RBFOX1: variants seen among roughly 807,000 people sequenced by gnomAD.
The protein encoded by RBFOX1 is RNA binding fox-1 homolog 1, also known as RNA binding protein fox-1 homolog 1.
RBFOX1 carries 8 observed loss-of-function variants against 57.7 expected under a neutral mutation model. That is an observed-to-expected ratio of 0.14 (90% CI 0.08 to 0.25). The LOEUF (loss-of-function observed/expected upper bound fraction) is 0.25, where lower values mean the gene tolerates loss of function less well. RBFOX1 is among the 10% of genes least tolerant of loss of function. The pLI is 1.00. For missense variants in RBFOX1, 611 were observed against 548.5 expected (o/e 1.11, Z -1.14); for synonymous variants, 326 against 222.4 (o/e 1.47, Z -4.15).
At chr16:7,665,005 C>T (rs775675308) in intron 13 of RBFOX1, 37 bp downstream of exon 13, 2 of 1,613,858 alleles carry the variant, frequency 1.2e-6, no homozygotes, top group Non-Finnish European at 1.7e-6. Flanking sequence ...TCCCCGTTTC[C>T]TCCTGGAGTC....
chr16:6,823,125 A>T (rs918855811), intron 3 of RBFOX1, among the ~76,000 whole-genome samples: 2 of 152,172 alleles, frequency 1.3e-5, no homozygotes, highest in African/African-American at 4.8e-5. Flanking sequence ...CATTTTATGA[A>T]GCCTGTATTT....
At chr16:5,417,802 C>T (rs1034365966) in intron 1 of RBFOX1, among the ~76,000 whole-genome samples, 22 of 152,038 alleles carry the variant, frequency 1.4e-4, no homozygotes, top group East Asian at 3.9e-4. Flanking sequence ...GTGAAATGGC[C>T]GGGTGTGGTG....
chr16:6,743,220 A>C (rs901454585), intron 3 of RBFOX1, among the ~76,000 whole-genome samples: 9 of 152,216 alleles, frequency 5.9e-5, no homozygotes, highest in Admixed American at 5.9e-4. Flanking sequence ...GAAATAGAAT[A>C]ATAAAAATTT....
At position 7,635,549 on chromosome 16, in the gene RBFOX1, G is replaced by T. The variant is rs147388132; in HGVS notation, c.757+4866G>T. Among the ~76,000 whole-genome samples, 3 of 151,794 alleles carry T rather than the reference G, an allele frequency of 2.0e-5. No individual in the cohort carries two copies. In the East Asian group the frequency reaches 5.8e-4, roughly 29 times the overall value. ...TTTTCTCCGTGGTTATTCAGGAAAG[G>T]ACATACACACATGCAATGGTGGGGG... On this transcript the variant is annotated intron_variant, in intron 11 of 15. Coordinates refer to ENST00000550418, the MANE Select transcript of RBFOX1 (RefSeq NM_018723.4).
chr16:6,911,011 G>T (rs1362439996), intron 3 of RBFOX1, among the ~76,000 whole-genome samples: 1 of 152,000 alleles, frequency 6.6e-6, no homozygotes, highest in Non-Finnish European at 1.5e-5. Context: ...GATAAGCCTG[G>T]TCAACGTGGT....
intron 3 of RBFOX1, among the ~76,000 whole-genome samples, chr16:6,718,734 G>A (rs1280366351): frequency 6.6e-6 from 1 of 152,156 alleles, no homozygotes; most frequent in East Asian, 1.9e-4. Context: ...ACTCACTGAA[G>A]GTAACCATAG....
intron 1 of RBFOX1, among the ~76,000 whole-genome samples, chr16:6,222,112 C>T (rs971024026): frequency 6.6e-6 from 1 of 152,092 alleles, no homozygotes; most frequent in African/African-American, 2.4e-5. Flanking sequence ...TTATTTCCAG[C>T]ATGATGTCTT....
rs940610141 is a variant in RBFOX1 at position 5,925,726 on chromosome 16, A to G, written c.351+58391A>G. On this transcript the variant is annotated intron_variant, in intron 4 of 19. Transcript: ENST00000641259. ...AATATAGAATTACCTAAAACTGTAC[A>G]TAATTGTATGTGTAAAACCAGGTTG... Among the ~76,000 whole-genome samples, 4 of 152,184 alleles carry G rather than the reference A, an allele frequency of 2.6e-5. 1 individual carries two copies. The highest frequency in any genetic ancestry group is 4.1e-4 in the South Asian group (2 of 4,832).
intron 2 of RBFOX1, among the ~76,000 whole-genome samples, chr16:6,581,774 C>T (rs567655004): frequency 4.6e-5 from 7 of 152,326 alleles, no homozygotes; most frequent in African/African-American, 1.4e-4. Flanking sequence ...ACTGGGAACT[C>T]TCAAACTTTG....
At chr16:7,496,351 C>G (rs1253963632) in intron 4 of RBFOX1, among the ~76,000 whole-genome samples, 2 of 152,134 alleles carry the variant, frequency 1.3e-5, no homozygotes, top group Admixed American at 6.5e-5. Context: ...TCATGTTGAC[C>G]AGGCTGGTCT....
chr16:5,989,352 CA>C (rs572113967), intron 4 of RBFOX1, among the ~76,000 whole-genome samples: 162 of 151,780 alleles, frequency 1.1e-3, no homozygotes, highest in African/African-American at 3.6e-3. Context: ...ACAAAACAAA[CA>C]AAAAAACCCC....
chr16:5,793,124 A>G (rs1328885523), intron 3 of RBFOX1, among the ~76,000 whole-genome samples: 1 of 152,140 alleles, frequency 6.6e-6, no homozygotes, highest in Non-Finnish European at 1.5e-5. Flanking sequence ...GGGAACCCAC[A>G]TGTCTCCATG....
At chr16:6,146,686 A>G (rs543115001) in intron 1 of RBFOX1, among the ~76,000 whole-genome samples, 3 of 152,376 alleles carry the variant, frequency 2.0e-5, no homozygotes, top group African/African-American at 4.8e-5. Flanking sequence ...ACTTTTCACT[A>G]TACTGAATCA....
intron 10 of RBFOX1, among the ~76,000 whole-genome samples, chr16:7,617,714 C>T (rs151321028): frequency 6.6e-6 from 1 of 152,076 alleles, no homozygotes; most frequent in Non-Finnish European, 1.5e-5. Context: ...GTGCTAGGTG[C>T]CGAGGTACCA....
rs1166314085 is a variant in RBFOX1, at chr16:7,522,003, C to T, written c.270+3614C>T. 2.0e-5 allele frequency among the ~76,000 whole-genome samples: 3 copies of T among 152,302 alleles called. No homozygotes were observed. The East Asian group carries it at 5.8e-4, about 29-fold the overall frequency. ...CTTGGATTCATCCCATATAAGCCCT[C>T]TCGTGGGAATCAATCTCCATTCCTG... On this transcript the variant is annotated intron_variant, in intron 5 of 15. Transcript: ENST00000550418.
chr16:7,149,219 T>C (rs1414539985), intron 4 of RBFOX1, among the ~76,000 whole-genome samples: 4 of 152,176 alleles, frequency 2.6e-5, no homozygotes, highest in Non-Finnish European at 4.4e-5. Context: ...TCAAGACTGC[T>C]GGACTTCCTG....
At chr16:6,689,242 T>G (rs908146153) in intron 3 of RBFOX1, among the ~76,000 whole-genome samples, 5 of 152,170 alleles carry the variant, frequency 3.3e-5, no homozygotes, top group Non-Finnish European at 5.9e-5. Flanking sequence ...TAGGAAGTGG[T>G]TGCAGGATCC....
intron 3 of RBFOX1, among the ~76,000 whole-genome samples, chr16:6,929,636 C>T (rs62017713): frequency 6.6e-6 from 1 of 152,036 alleles, no homozygotes; most frequent in African/African-American, 2.4e-5. Context: ...ATTTTTCTCA[C>T]CTTTAGGGAT....
intron 1 of RBFOX1, among the ~76,000 whole-genome samples, chr16:6,079,364 T>C (rs1198063010): frequency 6.6e-6 from 1 of 152,064 alleles, no homozygotes; most frequent in African/African-American, 2.4e-5. Flanking sequence ...CAGGTTGGAG[T>C]GTGGCAGTAT....
Sources: allele counts gnomAD v4.1 joint callset (sites outside exome capture counted in the v4.1 genomes callset), GRCh38; gene constraint gnomAD v4.1.1; transcripts MANE v1.5; gene names NCBI Gene and HGNC (gene_info 2026-07-23, HGNC 2026-07-21).